Variants in SPATA13 observed in about 807,000 individuals in gnomAD.
The protein encoded by SPATA13 is spermatogenesis associated 13.
A neutral mutation model predicts 104.0 loss-of-function variants in SPATA13; 50 were observed. The ratio of observed to expected loss-of-function variants is 0.48; its 90% CI spans 0.38 to 0.61. The LOEUF is 0.61. Ranked by LOEUF, SPATA13 falls within the 20% of genes least tolerant of loss-of-function variation. The probability of loss-of-function intolerance (pLI) is 0.00; values close to 1 mark genes in which losing one functional copy is unlikely to be tolerated. For missense variants in SPATA13, 1,524 were observed against 1,690.6 expected (o/e 0.90, Z 1.73); for synonymous variants, 606 against 667.5 (o/e 0.91, Z 1.42).
intron 2 of SPATA13, among the ~76,000 whole-genome samples, chr13:24,225,652 C>G (rs1871892129): frequency 6.6e-6 from 1 of 152,226 alleles, no homozygotes; most frequent in Non-Finnish European, 1.5e-5. Context: ...CCACTGCTTC[C>G]TGTTGCATGT....
intron 1 of SPATA13, among the ~76,000 whole-genome samples, chr13:23,982,582 A>C (rs1409414192): frequency 3.9e-5 from 6 of 152,180 alleles, no homozygotes; most frequent in Admixed American, 3.9e-4. Context: ...TTTTTCATTA[A>C]ACTCTACTGT....
At chr13:24,270,777 A>C in intron 4 of SPATA13, 1 of 1,608,642 alleles carries the variant, frequency 6.2e-7, no homozygotes, top group Non-Finnish European at 8.5e-7. Context: ...CAGCCTGTGC[A>C]GTCCTCTGTG....
intron 3 of SPATA13, among the ~76,000 whole-genome samples, chr13:24,029,313 G>A (rs9553146): frequency 0.065 from 9,899 of 152,192 alleles, 391 homozygotes; most frequent in East Asian, 0.13. Context: ...TACCAGATGC[G>A]TCAGGACAGT....
chr13:24,064,316 T>A (rs1488629222), intron 3 of SPATA13, among the ~76,000 whole-genome samples: 3 of 152,314 alleles, frequency 2.0e-5, no homozygotes, highest in East Asian at 3.9e-4. Context: ...TCAGATTACA[T>A]TTAAATGAAG....
chr13:24,295,014 C>A, intron 10 of SPATA13, 146 bp downstream of exon 10: 1 of 795,252 alleles, frequency 1.3e-6, no homozygotes, highest in Non-Finnish European at 1.8e-6. Context: ...AAATGTATTT[C>A]GAGGCATACT....
At chr13:24,084,842 C>T (rs938974277) in intron 3 of SPATA13, among the ~76,000 whole-genome samples, 11 of 152,108 alleles carry the variant, frequency 7.2e-5, no homozygotes, top group Non-Finnish European at 1.3e-4. Context: ...GGCAACATAG[C>T]AAGACCCGGT....
Position 24,303,820 on chromosome 13 carries a change from C to G in SPATA13, c.*1047C>G, listed in dbSNP as rs927365625. 2 of 152,352 alleles carry G rather than the reference C, an allele frequency of 1.3e-5. No individual in the cohort carries two copies. The highest frequency in any genetic ancestry group is 2.9e-5 in the Non-Finnish European group (2 of 68,152). 9.4% of individuals were successfully genotyped at this position (152,352 alleles called of 1,614,324 possible). A position where few individuals can be genotyped will look rare whatever the true frequency, so the allele number is the denominator to read the frequency against. ...ACTGGGAAGGCTGAGGTAGGAGAAT[C>G]TTTTGAATCTGGGAAGCGGAGGTTG... On this transcript the variant is annotated 3_prime_UTR_variant, in exon 13 of 13. Transcript: ENST00000382108.
At chr13:24,138,315 A>AACC (rs1555263885) in intron 3 of SPATA13, among the ~76,000 whole-genome samples, 3 of 82,398 alleles carry the variant, frequency 3.6e-5, no homozygotes, top group East Asian at 2.6e-4. Flanking sequence ...GAAAAAAAAA[A>AACC]AAAAAACAGT....
At chr13:24,139,929 G>A (rs1294119103) in intron 3 of SPATA13, among the ~76,000 whole-genome samples, 3 of 152,106 alleles carry the variant, frequency 2.0e-5, no homozygotes, top group Non-Finnish European at 4.4e-5. Context: ...TTAGCTGGAC[G>A]TGGTGGCGGG....
chr13:23,999,368 CAAAAAA>C (rs34668799), intron 2 of SPATA13, among the ~76,000 whole-genome samples: 2,616 of 94,508 alleles, frequency 0.028, 120 homozygotes, highest in African/African-American at 0.1. Flanking sequence ...CATTTTCTAC[CAAAAAA>C]AAAAAAAAAA....
chr13:24,026,727 G>A (rs12427693), intron 3 of SPATA13, among the ~76,000 whole-genome samples: 49,023 of 151,900 alleles, frequency 0.32, 8,604 homozygotes, highest in East Asian at 0.54. Context: ...ACAGGTGCCC[G>A]CCACCACGTC....
Position 24,017,038 on chromosome 13 carries a change from C to T in SPATA13, c.-146-629C>T, listed in dbSNP as rs545550618. ...AAGGCAGGAGGTAGTGAGGAGCGCC[C>T]GAAGTGTGGGAGGAGGTGACAGGGT... is the stretch of plus-strand genomic sequence containing the variant. On this transcript the variant is annotated intron_variant, in intron 2 of 14. Coordinates refer to the SPATA13 transcript ENST00000424834. 1.7e-4 allele frequency among the ~76,000 whole-genome samples: 26 copies of T among 152,256 alleles called. No homozygotes were observed. In the East Asian group the frequency reaches 3.9e-3, roughly 23 times the overall value.
At chr13:24,143,482 T>C (rs1044818723) in intron 3 of SPATA13, among the ~76,000 whole-genome samples, 8 of 152,196 alleles carry the variant, frequency 5.3e-5, no homozygotes. Flanking sequence ...TTTTATATTT[T>C]GGATAAATTG....
At chr13:23,998,874 A>G (rs549053456) in intron 2 of SPATA13, among the ~76,000 whole-genome samples, 55 of 150,676 alleles carry the variant, frequency 3.7e-4, no homozygotes, top group African/African-American at 1.3e-3. Flanking sequence ...TTAAAAATCA[A>G]TTGGCTTTAT....
rs1187744640 is a variant in SPATA13 at position 24,088,431 on chromosome 13, T to G, written c.-112+70730T>G. Reference sequence around the variant, plus strand: ...GCAGTTTCCTTTCTTCCTCTTGAGATGAAGACACATGAGAACCCAAGCCCA... The same window carrying G: ...GCAGTTTCCTTTCTTCCTCTTGAGAGGAAGACACATGAGAACCCAAGCCCA... On this transcript the variant is annotated intron_variant, in intron 3 of 14. Coordinates refer to the SPATA13 transcript ENST00000424834. The surrounding 1 kb of genome is among the most constrained non-coding windows in gnomAD (Gnocchi z 4.3). Among the ~76,000 whole-genome samples the G allele has an allele frequency of 6.6e-6, 1 of 152,116 alleles. No individual in the cohort carries two copies. Among genetic ancestry groups the G allele is most frequent in the Non-Finnish European group, 1.5e-5 (1 of 68,020 alleles).
At chr13:24,089,998 G>A (rs1211186025) in intron 3 of SPATA13, among the ~76,000 whole-genome samples, 1 of 152,164 alleles carries the variant, frequency 6.6e-6, no homozygotes, top group East Asian at 1.9e-4. Flanking sequence ...TGAGGGCTCT[G>A]CCTTCAGGAC....
rs1004344585 is a variant in SPATA13 at position 24,008,147 on chromosome 13, A to G, written c.-146-9520A>G. On this transcript the variant is annotated intron_variant, in intron 2 of 14. Coordinates refer to the SPATA13 transcript ENST00000424834. ...GTGTGCTGAGGGAGAGCTTGTGACC[A>G]CAGCCACACACTGTGTGCCCTCGGG... Among the ~76,000 whole-genome samples, 171 of 152,344 alleles carry G rather than the reference A, an allele frequency of 1.1e-3. 3 individuals carry two copies. The highest frequency in any genetic ancestry group is 3.7e-3 in the African/African-American group (155 of 41,586).
At chr13:24,173,767 A>T (rs1566132997) in intron 1 of SPATA13, among the ~76,000 whole-genome samples, 1 of 152,186 alleles carries the variant, frequency 6.6e-6, no homozygotes, top group African/African-American at 2.4e-5. Flanking sequence ...TACACTGATT[A>T]ATTTTCAAAT....
chr13:24,059,094 T>C (rs1406828113), intron 3 of SPATA13, among the ~76,000 whole-genome samples: 3 of 151,642 alleles, frequency 2.0e-5, no homozygotes, highest in Non-Finnish European at 4.4e-5. Context: ...GCCTCAGCCT[T>C]CCGAGTAGCT....
Sources: allele counts gnomAD v4.1 joint callset (sites outside exome capture counted in the v4.1 genomes callset), GRCh38; gene constraint gnomAD v4.1.1; non-coding constraint Gnocchi (gnomAD v3.1); transcripts MANE v1.5; gene names NCBI Gene and HGNC (gene_info 2026-07-23, HGNC 2026-07-21).